Variants in TPR observed in about 807,000 individuals in gnomAD.
The protein encoded by TPR is translocated promoter region, nuclear basket protein.
Under a neutral mutation model 316.1 loss-of-function variants are expected in TPR, and 51 were observed. The ratio of observed to expected loss-of-function variants is 0.16; its 90% CI spans 0.13 to 0.20. The LOEUF is 0.20. TPR is among the 10% of genes least tolerant of loss of function. The pLI is 1.00. For missense variants in TPR, 2,272 were observed against 2,754.8 expected (o/e 0.82, Z 3.92); for synonymous variants, 981 against 914.7 (o/e 1.07, Z -1.31).
chr1:186,367,446 T>C (rs1305007298), intron 4 of TPR, among the ~76,000 whole-genome samples: 1 of 152,226 alleles, frequency 6.6e-6, no homozygotes, highest in Non-Finnish European at 1.5e-5. Context: ...CTACAGTCTA[T>C]GTTTATGTAT....
chr1:186,350,418 T>C, intron 20 of TPR, 30 bp from the exon 21 acceptor site: 1 of 1,480,086 alleles, frequency 6.8e-7, no homozygotes, highest in South Asian at 1.3e-5. Context: ...TATAACATTC[T>C]TTAGGTTCCT....
chr1:186,362,547 A>G (rs1291436464), intron 6 of TPR, among the ~76,000 whole-genome samples, 167 bp from the exon 7 acceptor site: 1 of 152,066 alleles, frequency 6.6e-6, no homozygotes, highest in Non-Finnish European at 1.5e-5. Flanking sequence ...CTCACAGAAC[A>G]ATGTTTAGAT....
intron 21 of TPR, among the ~76,000 whole-genome samples, chr1:186,348,596 A>G (rs1245060235): frequency 6.6e-6 from 1 of 151,582 alleles, no homozygotes; most frequent in Non-Finnish European, 1.5e-5. Context: ...CCCTTTTAAA[A>G]CCCTTAATAA....
In TPR at chr1:186,358,606, T is replaced by C. The variant is rs1659094613; in HGVS notation, c.1434A>G (p.Gln478=). Residue 478 remains glutamine, a synonymous_variant, in exon 13 of 51, where the codon CAA becomes CAG. Coordinates refer to ENST00000367478, the MANE Select transcript of TPR (RefSeq NM_003292.3). ...LQEDTDKANK[Q]SSVLERDNRR... ...GATTATCTCTCTCAAGTACAGATGA[T>C]TGCTTGTTGGCTTTATCAGTGTCCT... is the stretch of plus-strand genomic sequence containing the variant. 2 of 1,612,936 alleles carry C rather than the reference T, an allele frequency of 1.2e-6. No homozygotes were observed. Among genetic ancestry groups the C allele is most frequent in the Non-Finnish European group, 1.7e-6 (2 of 1,179,464 alleles).
Position 186,361,803 on chromosome 1 carries a change from A to G in TPR, c.856T>C (p.Ser286Pro). The change falls in exon 8 of 51, where the codon TCT becomes CCT. Residue 286 changes from serine (S) to proline (P), a missense_variant. By Grantham distance (74) the Ser-to-Pro change is moderately conservative. Coordinates refer to ENST00000367478, the MANE Select transcript of TPR (RefSeq NM_003292.3). The part of the protein sequence containing the change: ...HNELNAHIKL[S>P]NLYKSAADDS... Reference sequence around the variant, plus strand: ...GGGATATTTACCTTGTACAAATTAGAAAGTTTTATGTGGGCATTTAATTCA... The same window carrying G: ...GGGATATTTACCTTGTACAAATTAGGAAGTTTTATGTGGGCATTTAATTCA... 6.2e-7 allele frequency: 1 copy of G among 1,613,194 alleles called. No homozygotes were observed. The highest frequency in any genetic ancestry group is 8.5e-7 in the Non-Finnish European group (1 of 1,179,326).
rs1320134876 is a variant in TPR at position 186,360,357 on chromosome 1, T to C, written c.1107A>G (p.Ile369Met). 8 of 1,613,096 alleles carry C rather than the reference T, an allele frequency of 5.0e-6. No individual in the cohort carries two copies. In the Admixed American group the frequency reaches 5.0e-5, roughly 10 times the overall value. ...TGGCGGCAAGCTCTTCTTCAGACAA[T>C]ATGGCTCCTGTGCCAACAAATACAC... is the stretch of plus-strand genomic sequence containing the variant. ...LLSATKRKGA[I>M]LSEEELAAMS... Residue 369 changes from isoleucine to methionine, a missense_variant, in exon 11 of 51, where the codon ATA becomes ATG. Ile to Met is a conservative substitution (Grantham distance 10). Transcript: ENST00000367478.
chr1:186,332,580 C>T (rs1658198893), intron 37 of TPR, among the ~76,000 whole-genome samples: 1 of 152,056 alleles, frequency 6.6e-6, no homozygotes, highest in South Asian at 2.1e-4. Context: ...TTATACCAAC[C>T]CAAGCTTTGC....
chr1:186,334,915 A>C (rs1263760047), intron 35 of TPR, among the ~76,000 whole-genome samples, 153 bp downstream of exon 35: 1 of 152,200 alleles, frequency 6.6e-6, no homozygotes, highest in Non-Finnish European at 1.5e-5. Context: ...ACAAGCTGGC[A>C]AATACATGAT....
chr1:186,366,870 A>T (rs931411557), intron 4 of TPR, among the ~76,000 whole-genome samples: 3 of 151,952 alleles, frequency 2.0e-5, no homozygotes, highest in African/African-American at 7.2e-5. Flanking sequence ...GATTTTATGA[A>T]TTCGTTTAGT....
intron 50 of TPR, 83 bp downstream of exon 50, chr1:186,314,546 T>C (rs1466265184): frequency 3.8e-6 from 4 of 1,046,140 alleles, no homozygotes; most frequent in Middle Eastern, 2.2e-4. Flanking sequence ...AAAAATAAAT[T>C]GGAGGCTTAA....
At position 186,313,538 on chromosome 1, in the gene TPR, G is replaced by C; in HGVS notation, c.*433C>G. 5.1e-6 allele frequency: 3 copies of C among 591,328 alleles called. No homozygotes were observed. Among genetic ancestry groups the C allele is most frequent in the Non-Finnish European group, 8.9e-6 (3 of 335,692 alleles). 36.6% of individuals were successfully genotyped at this position (591,328 alleles called of 1,614,324 possible). On this transcript the variant is annotated 3_prime_UTR_variant, in exon 51 of 51. Transcript: ENST00000367478. Reference sequence around the variant, plus strand: ...AGTCTAGGCAATTGTTTTTCTTTTTGTTATAAAGTTCAAATTAATTAGTAA... The same window carrying C: ...AGTCTAGGCAATTGTTTTTCTTTTTCTTATAAAGTTCAAATTAATTAGTAA...
chr1:186,318,687 C>T, intron 47 of TPR, 46 bp downstream of exon 47: 2 of 1,610,196 alleles, frequency 1.2e-6, no homozygotes, highest in Non-Finnish European at 1.7e-6. Context: ...CATAGGTTTT[C>T]ATTTTACCAA....
Position 186,359,969 on chromosome 1 carries a change from C to A in TPR, c.1219G>T (p.Asp407Tyr). The part of the protein sequence containing the change: ...ELYNAYVETQ[D>Y]QLLLEKLENK... ...TCTAGTTTCTCCAAAAGCAACTGAT[C>A]CTGAGTTTCCACATAAGCATTATAG... Residue 407 changes from aspartate (D) to tyrosine (Y), a missense_variant, in exon 12 of 51, where the codon GAT (aspartate) becomes TAT (tyrosine). Physicochemically the swap from Asp to Tyr is radical, Grantham distance 160. Around this residue, in one of 10 missense-constraint regions of TPR, gnomAD observed 549 missense variants for 598.6 expected, o/e 0.92. Coordinates refer to ENST00000367478, the MANE Select transcript of TPR (RefSeq NM_003292.3). 1 of 1,609,064 alleles carries A rather than the reference C, an allele frequency of 6.2e-7. No homozygotes were observed. The highest frequency in any genetic ancestry group is 8.5e-7 in the Non-Finnish European group (1 of 1,178,700).
In TPR at chr1:186,338,129, A is replaced by C. The variant is rs995613542; in HGVS notation, c.4266T>G (p.Ile1422Met). 6 of 1,612,792 alleles carry C rather than the reference A, an allele frequency of 3.7e-6. No homozygotes were observed. The highest frequency in any genetic ancestry group is 4.2e-6 in the Non-Finnish European group (5 of 1,179,458). The change falls in exon 31 of 51, where the codon ATT becomes ATG. Residue 1422 changes from isoleucine (I) to methionine (M), a missense_variant. Ile to Met is a conservative substitution (Grantham distance 10). This residue lies in a region of TPR where 96 missense variants were observed against 134.6 expected (regional missense o/e 0.71). Coordinates refer to ENST00000367478, the MANE Select transcript of TPR (RefSeq NM_003292.3). ...TAGTTTTGACTTTTTCTTGGATATC[A>C]ATTATTTTGGCATCTAAGTCCTTCT... ...TIQKDLDAKI[I>M]DIQEKVKTIT...
rs757451029 is a variant in TPR at position 186,332,199 on chromosome 1, G to A, written c.5600C>T (p.Thr1867Ile). Reference sequence around the variant, plus strand: ...CACAGAAAGAACTTTACGCACCTCAGTTCCTACAGGTGTGACACTTTTCAA... The same window carrying A: ...CACAGAAAGAACTTTACGCACCTCAATTCCTACAGGTGTGACACTTTTCAA... ...KKLKSVTPVG[T>I]EEEVMAEEST... The change falls in exon 38 of 51, where the codon ACT becomes ATT. Residue 1867 changes from threonine (T) to isoleucine (I), a missense_variant. Physicochemically the swap from Thr to Ile is moderately conservative, Grantham distance 89. Transcript: ENST00000367478. The A allele has an allele frequency of 1.9e-6, 3 of 1,607,900 alleles. No homozygotes were observed. Among genetic ancestry groups the A allele is most frequent in the Non-Finnish European group, 2.5e-6 (3 of 1,177,724 alleles).
Position 186,333,416 on chromosome 1 carries a change from GAA to G in TPR, c.5183-24_5183-23del, listed in dbSNP as rs750736878. On this transcript the variant is annotated intron_variant, in intron 36 of 50. Coordinates refer to ENST00000367478, the MANE Select transcript of TPR (RefSeq NM_003292.3). The stretch of plus-strand genomic sequence containing the variant: ...ATAGCTGAAAAATAATTATAATGCT[GAA>G]TATAAGCCTTCTACTTTTATCAAAG... The G allele has an allele frequency of 1.2e-5, 19 of 1,609,080 alleles. No individual in the cohort carries two copies. In the African/African-American group the frequency reaches 2.5e-4, roughly 22 times the overall value.
chr1:186,358,847 T>C (rs1320557383), intron 12 of TPR, among the ~76,000 whole-genome samples, 197 bp from the exon 13 acceptor site: 2 of 152,150 alleles, frequency 1.3e-5, no homozygotes, highest in Admixed American at 6.5e-5. Context: ...ATAACAAGCT[T>C]CAGGTAAAAC....
At chr1:186,348,166 T>C (rs969681686) in intron 21 of TPR, among the ~76,000 whole-genome samples, 2 of 152,102 alleles carry the variant, frequency 1.3e-5, no homozygotes, top group East Asian at 1.9e-4. Context: ...TAAACGGACG[T>C]GCAAGTAGGA....
chr1:186,346,153 T>C lies in TPR; in HGVS notation c.3078A>G (p.Ile1026Met). ...QELQDDKRRAIESMEQQLSEL... is the reference protein window; with the variant it reads ...QELQDDKRRAMESMEQQLSEL... ...TATTTACCTGTTGTTCCATGCTCTC[T>C]ATGGCTCTTCTTTTATCATCCTGAA... The change falls in exon 23 of 51, where the codon ATA becomes ATG. Residue 1026 changes from isoleucine to methionine, a missense_variant. Physicochemically the swap from Ile to Met is conservative, Grantham distance 10. This residue lies in a region of TPR where 757 missense variants were observed against 859.8 expected (regional missense o/e 0.88). Transcript: ENST00000367478. 2 of 1,612,726 alleles carry C rather than the reference T, an allele frequency of 1.2e-6. No homozygotes were observed. Among genetic ancestry groups the C allele is most frequent in the Non-Finnish European group, 1.7e-6 (2 of 1,179,406 alleles).
Sources: allele counts gnomAD v4.1 joint callset (sites outside exome capture counted in the v4.1 genomes callset), GRCh38; gene constraint gnomAD v4.1.1; regional missense constraint gnomAD v4.1.1; transcripts MANE v1.5; gene names NCBI Gene and HGNC (gene_info 2026-07-23, HGNC 2026-07-21).